CNTN5: variants seen among roughly 807,000 people sequenced by gnomAD.
CNTN5 encodes the protein contactin-5.
Under a neutral mutation model 129.1 loss-of-function variants are expected in CNTN5, and 77 were observed. That is an observed-to-expected ratio of 0.60 (90% CI 0.50 to 0.72). The LOEUF is 0.72. Among genes scored for constraint, CNTN5 ranks in the 30% least tolerant of loss-of-function variants. The pLI is 0.00. For missense variants in CNTN5, 1,478 were observed against 1,328.8 expected (o/e 1.11, Z -1.75); for synonymous variants, 509 against 465.6 (o/e 1.09, Z -1.20).
At chr11:99,684,593 T>C (rs1953705096) in intron 3 of CNTN5, among the ~76,000 whole-genome samples, 1 of 151,898 alleles carries the variant, frequency 6.6e-6, no homozygotes, top group South Asian at 2.1e-4. Flanking sequence ...TTGGTTTCTT[T>C]TCACACACCT....
chr11:99,663,112 G>T (rs1265837175), intron 3 of CNTN5, among the ~76,000 whole-genome samples: 2 of 92,578 alleles, frequency 2.2e-5, no homozygotes, highest in African/African-American at 6.3e-5. Context: ...ACAGACAATA[G>T]TCTGATAGAA....
At chr11:99,799,818 T>C (rs962713056) in intron 3 of CNTN5, among the ~76,000 whole-genome samples, 1 of 152,010 alleles carries the variant, frequency 6.6e-6, no homozygotes, top group African/African-American at 2.4e-5. Flanking sequence ...TTGGGTAGAA[T>C]TGGTACCAGC....
At chr11:100,321,630 C>A (rs772800206) in intron 21 of CNTN5, among the ~76,000 whole-genome samples, 1 of 151,938 alleles carries the variant, frequency 6.6e-6, no homozygotes, top group Non-Finnish European at 1.5e-5. Context: ...TTTTTCCAGA[C>A]CTTAAAGGAA....
intron 7 of CNTN5, among the ~76,000 whole-genome samples, chr11:99,929,842 G>C (rs1458720950): frequency 1.3e-5 from 2 of 152,124 alleles, no homozygotes; most frequent in Non-Finnish European, 2.9e-5. Context: ...CAGGGTCCTT[G>C]GTCCTCGATT....
intron 8 of CNTN5, among the ~76,000 whole-genome samples, chr11:99,995,310 T>C (rs1939371496): frequency 6.8e-6 from 1 of 146,126 alleles, no homozygotes; most frequent in Admixed American, 6.9e-5. Flanking sequence ...CATTTTTTTC[T>C]CCTTTGCCAA....
chr11:100,194,690 G>T (rs1226289289), intron 15 of CNTN5, among the ~76,000 whole-genome samples: 1 of 151,370 alleles, frequency 6.6e-6, no homozygotes, highest in Middle Eastern at 3.5e-3. Flanking sequence ...GTAACATAAA[G>T]CCAGTCACAT....
intron 21 of CNTN5, among the ~76,000 whole-genome samples, chr11:100,322,324 G>A (rs1333197264): frequency 6.6e-6 from 1 of 151,674 alleles, no homozygotes; most frequent in African/African-American, 2.4e-5. Context: ...CTGGGTTCAC[G>A]CCATTTTCCT....
At chr11:99,423,287 T>C (rs1942979140) in intron 2 of CNTN5, among the ~76,000 whole-genome samples, 1 of 152,188 alleles carries the variant, frequency 6.6e-6, no homozygotes, top group Middle Eastern at 3.2e-3. Context: ...CAGGAGTTAG[T>C]CTTGCAGTTT....
chr11:99,729,699 C>A (rs1416900464), intron 3 of CNTN5, among the ~76,000 whole-genome samples: 1 of 152,096 alleles, frequency 6.6e-6, no homozygotes, highest in Non-Finnish European at 1.5e-5. Context: ...TACATACACA[C>A]CATGGAATAC....
chr11:100,074,498 G>A (rs1944050281), intron 13 of CNTN5: 1 of 469,994 alleles, frequency 2.1e-6, no homozygotes. Flanking sequence ...ACTCCATGGG[G>A]TTTTAGCATA....
At chr11:99,900,114 G>T (rs1377192608) in intron 6 of CNTN5, among the ~76,000 whole-genome samples, 2 of 149,428 alleles carry the variant, frequency 1.3e-5, no homozygotes, top group Admixed American at 6.7e-5. Flanking sequence ...TTTTTTCTTA[G>T]CCCAACTAGC....
chr11:99,053,185 T>C (rs1464623364), intron 1 of CNTN5, among the ~76,000 whole-genome samples: 1 of 151,942 alleles, frequency 6.6e-6, no homozygotes, highest in African/African-American at 2.4e-5. Flanking sequence ...AAAAAAGTAA[T>C]GACAGAGCTG....
At position 99,678,555 on chromosome 11, in the gene CNTN5, T is replaced by G. The variant is rs191119512; in HGVS notation, c.55+122286T>G. 5.8e-3 allele frequency among the ~76,000 whole-genome samples: 875 copies of G among 152,136 alleles called. 9 individuals are homozygous for G. The highest frequency in any genetic ancestry group is 0.02 in the African/African-American group (829 of 41,486). ...AAAATGCCATGAATTTCAAATTAAC[T>G]CTAAACAGAAAATTACACACAAAAT... On this transcript the variant is annotated intron_variant, in intron 3 of 24. Transcript: ENST00000524871.
chr11:99,780,575 A>G (rs139629821), intron 3 of CNTN5, among the ~76,000 whole-genome samples: 2 of 152,104 alleles, frequency 1.3e-5, no homozygotes, highest in Admixed American at 6.6e-5. Flanking sequence ...GGGAGATCAG[A>G]GTGTAGTCCA....
At chr11:99,217,726 G>T (rs1860200147) in intron 1 of CNTN5, among the ~76,000 whole-genome samples, 1 of 151,944 alleles carries the variant, frequency 6.6e-6, no homozygotes. Context: ...TCACATGCTT[G>T]TACCATTAAA....
At chr11:99,304,479 A>G (rs1307309670) in intron 1 of CNTN5, among the ~76,000 whole-genome samples, 1 of 152,152 alleles carries the variant, frequency 6.6e-6, no homozygotes, top group Non-Finnish European at 1.5e-5. Flanking sequence ...CAGGTCTAAT[A>G]CCAAACTCCT....
intron 1 of CNTN5, among the ~76,000 whole-genome samples, chr11:99,140,138 T>C (rs563163417): frequency 6.6e-6 from 1 of 152,200 alleles, no homozygotes; most frequent in African/African-American, 2.4e-5. Context: ...AAAATACATA[T>C]AGAATTTAAT....
chr11:99,127,782 C>T (rs1034014629), intron 1 of CNTN5, among the ~76,000 whole-genome samples: 4 of 152,132 alleles, frequency 2.6e-5, no homozygotes, highest in African/African-American at 9.7e-5. Context: ...CATTCCTTGA[C>T]CTTTAGGGCT....
chr11:99,220,468 G>T (rs1413737818), intron 1 of CNTN5, among the ~76,000 whole-genome samples: 1 of 151,752 alleles, frequency 6.6e-6, no homozygotes, highest in Non-Finnish European at 1.5e-5. Context: ...AAATAGCCAT[G>T]GTCTCTTAAA....
Sources: gnomAD v4.1 joint callset for allele counts (sites outside exome capture counted in the v4.1 genomes callset) on GRCh38, gnomAD v4.1.1 for gene constraint, MANE v1.5 for transcripts, NCBI Gene and HGNC (gene_info 2026-07-23, HGNC 2026-07-21) for gene names.